DACH2: variants seen among roughly 807,000 people sequenced by gnomAD.
DACH2 encodes dachshund homolog 2.
In DACH2, 17 loss-of-function variants were observed where a neutral mutation model predicts 35.8. The ratio of observed to expected loss-of-function variants is 0.48; its 90% CI spans 0.33 to 0.71. The LOEUF is 0.71. Among genes scored for constraint, DACH2 ranks in the 30% least tolerant of loss-of-function variants. The pLI, the probability that DACH2 is intolerant of heterozygous loss-of-function variation, is 0.02. For missense variants in DACH2, 469 were observed against 472.7 expected (o/e 0.99, Z 0.07); for synonymous variants, 195 against 177.3 (o/e 1.10, Z -0.79).
At chrX:86,610,319 C>CTCCT (rs773406372) in intron 3 of DACH2, among the ~76,000 whole-genome samples, 4 of 110,223 alleles carry the variant, frequency 3.6e-5, no homozygotes, top group African/African-American at 9.9e-5. Flanking sequence ...TTCTTTCTTT[C>CTCCT]TCCTTCCTTC....
Position 86,832,165 on chromosome X carries a change from G to C in DACH2, c.*10G>C. ...GTTGTATTCAGCCTGAAAGGTCCTCGCTGGCTTTACATAAATGAAGATGCT... is the reference window on the plus strand; with the variant it reads ...GTTGTATTCAGCCTGAAAGGTCCTCCCTGGCTTTACATAAATGAAGATGCT... On this transcript the variant is annotated 3_prime_UTR_variant, in exon 12 of 12. Transcript: ENST00000373125. The C allele has an allele frequency of 8.6e-7, 1 of 1,169,185 alleles. No individual in the cohort carries two copies. Among genetic ancestry groups the C allele is most frequent in the African/African-American group, 1.8e-5 (1 of 56,624 alleles).
intron 1 of DACH2, among the ~76,000 whole-genome samples, chrX:86,221,795 C>T (rs1455347518): frequency 8.9e-6 from 1 of 112,356 alleles, no homozygotes; most frequent in Admixed American, 9.4e-5. Context: ...GTGTCATAAA[C>T]AAATAGAATT....
At chrX:86,513,037 C>A in intron 2 of DACH2, 1 of 252,219 alleles carries the variant, frequency 4.0e-6, no homozygotes, top group Non-Finnish European at 7.5e-6. Flanking sequence ...AACACTAGCA[C>A]AGTGTATGAA....
chrX:86,194,588 C>G (rs763443716), intron 1 of DACH2, among the ~76,000 whole-genome samples: 3 of 112,495 alleles, frequency 2.7e-5, no homozygotes, highest in Non-Finnish European at 5.6e-5. Flanking sequence ...ATTGAACTGA[C>G]AAGGAGCAAC....
chrX:86,498,519 G>C (rs1479917203), intron 2 of DACH2, among the ~76,000 whole-genome samples: 1 of 112,153 alleles, frequency 8.9e-6, no homozygotes, highest in African/African-American at 3.2e-5. Flanking sequence ...AAGGCATTCT[G>C]TTTCTGCACA....
chrX:86,464,987 A>T (rs1361646376), intron 2 of DACH2, among the ~76,000 whole-genome samples: 1 of 112,566 alleles, frequency 8.9e-6, no homozygotes, highest in South Asian at 3.6e-4. Context: ...GTAATAAAGT[A>T]TATGAGTGAC....
chrX:86,744,717 T>C (rs6623767), intron 7 of DACH2, among the ~76,000 whole-genome samples: 26,466 of 110,771 alleles, frequency 0.24, 2,711 homozygotes, highest in South Asian at 0.42. Context: ...TGACTATGCC[T>C]AATATTGTGA....
chrX:86,777,870 A>G (rs1394641067), intron 7 of DACH2, among the ~76,000 whole-genome samples: 1 of 111,829 alleles, frequency 8.9e-6, no homozygotes. Context: ...AAAATAGGCA[A>G]TGTCTATCAA....
At chrX:86,636,160 T>A (rs764679531) in intron 3 of DACH2, among the ~76,000 whole-genome samples, 1 of 111,275 alleles carries the variant, frequency 9.0e-6, no homozygotes, top group Non-Finnish European at 1.9e-5. Context: ...CAAAACAGCA[T>A]GCTAGGCTGG....
chrX:86,662,561 C>T (rs1040528549), intron 4 of DACH2, among the ~76,000 whole-genome samples: 9 of 109,928 alleles, frequency 8.2e-5, no homozygotes, highest in Non-Finnish European at 1.7e-4. Flanking sequence ...CCGCTGCACT[C>T]CAGCCTGGGT....
chrX:86,650,408 T>C (rs2040464830), intron 3 of DACH2, among the ~76,000 whole-genome samples: 2 of 111,192 alleles, frequency 1.8e-5, no homozygotes, highest in Admixed American at 1.9e-4. Context: ...CTGATCCTCA[T>C]AGGCTAGGCA....
At chrX:86,478,686 T>C (rs5968930) in intron 2 of DACH2, among the ~76,000 whole-genome samples, 21,031 of 108,577 alleles carry the variant, frequency 0.19, 1,754 homozygotes, top group African/African-American at 0.29. Flanking sequence ...CAGGGGTTTG[T>C]CTTGCTTCTT....
chrX:86,411,756 G>A (rs776700758), intron 2 of DACH2, among the ~76,000 whole-genome samples: 4 of 111,487 alleles, frequency 3.6e-5, no homozygotes, highest in East Asian at 5.7e-4. Flanking sequence ...TACAGTCCCC[G>A]TTTCTGCAGC....
intron 1 of DACH2, among the ~76,000 whole-genome samples, chrX:86,202,365 C>T (rs1428574928): frequency 9.0e-6 from 1 of 111,251 alleles, no homozygotes; most frequent in African/African-American, 3.3e-5. Context: ...TTGATTCTGG[C>T]TTGTGGGAAT....
intron 3 of DACH2, among the ~76,000 whole-genome samples, chrX:86,519,079 T>A (rs1365565985): frequency 8.9e-6 from 1 of 112,256 alleles, no homozygotes. Flanking sequence ...CTTTAATACC[T>A]AGTTTATTGA....
At chrX:86,174,048 G>A (rs2031219144) in intron 1 of DACH2, among the ~76,000 whole-genome samples, 1 of 109,013 alleles carries the variant, frequency 9.2e-6, no homozygotes, top group Admixed American at 9.8e-5. Flanking sequence ...GGAGGCTGAA[G>A]TTTCCTTCAT....
chrX:86,435,135 A>G (rs2037047339), intron 2 of DACH2, among the ~76,000 whole-genome samples: 2 of 111,431 alleles, frequency 1.8e-5, no homozygotes, highest in Non-Finnish European at 3.8e-5. Flanking sequence ...AGATATTCAA[A>G]CAACGTCACA....
intron 7 of DACH2, among the ~76,000 whole-genome samples, chrX:86,746,248 A>G (rs1431763718): frequency 2.7e-5 from 3 of 111,333 alleles, no homozygotes; most frequent in African/African-American, 9.8e-5. Flanking sequence ...TTGTGTTTTC[A>G]TTTCACATGT....
At chrX:86,596,915 A>G (rs1046137454) in intron 3 of DACH2, among the ~76,000 whole-genome samples, 5 of 111,076 alleles carry the variant, frequency 4.5e-5, no homozygotes, top group Non-Finnish European at 9.5e-5. Context: ...GAGTGTCCTT[A>G]TCAATGTTGT....
Sources: gnomAD v4.1 joint callset for allele counts (sites outside exome capture counted in the v4.1 genomes callset) on GRCh38, gnomAD v4.1.1 for gene constraint, MANE v1.5 for transcripts, NCBI Gene and HGNC (gene_info 2026-07-23, HGNC 2026-07-21) for gene names.